Variants in AMT observed in about 807,000 individuals in gnomAD.
AMT encodes aminomethyltransferase, mitochondrial.
In AMT, 24 loss-of-function variants were observed where a neutral mutation model predicts 39.5. The observed-to-expected ratio is 0.61, with a 90% confidence interval of 0.44 to 0.86. The LOEUF (loss-of-function observed/expected upper bound fraction) is 0.86, where lower values mean the gene tolerates loss of function less well. AMT is among the 40% of genes least tolerant of loss of function. The probability of loss-of-function intolerance (pLI) is 0.00; values close to 1 mark genes in which losing one functional copy is unlikely to be tolerated. For synonymous variants in AMT, 210 were observed against 212.1 expected, an observed-to-expected ratio of 0.99 and a Z score of 0.09; for missense variants, 501 against 537.0, an observed-to-expected ratio of 0.93 and a Z score of 0.66.
At chr3:49,420,645 GCTTCACCTA>G (rs1333434398) in intron 3 of AMT, 2 of 407,078 alleles carry the variant, frequency 4.9e-6, no homozygotes. Context: ...AGGACCTGCT[GCTTCACCTA>G]CCCAAACCTG....
chr3:49,417,423 A>C lies in AMT; in HGVS notation c.*117T>G. On this transcript the variant is annotated 3_prime_UTR_variant, in exon 9 of 9. Transcript: ENST00000273588. ...AGGTGGTGTGGCCCCTCAACCAGAC[A>C]ATTAGAATCAGCCTCCACCTTAACT... 6.2e-7 allele frequency: 1 copy of C among 1,612,204 alleles called. No individual in the cohort carries two copies. Among genetic ancestry groups the C allele is most frequent in the Non-Finnish European group, 8.5e-7 (1 of 1,179,834 alleles).
In AMT at chr3:49,419,125, A is replaced by G; in HGVS notation, c.723T>C (p.Val241=). 1 of 1,613,726 alleles carries G rather than the reference A, an allele frequency of 6.2e-7. No individual in the cohort carries two copies. Among genetic ancestry groups the G allele is most frequent in the Non-Finnish European group, 8.5e-7 (1 of 1,179,914 alleles). Residue 241 remains valine, a synonymous_variant, in exon 7 of 9, where the codon GTT becomes GTC. Coordinates refer to ENST00000273588, the MANE Select transcript of AMT (RefSeq NM_000481.4). ...TTTTCAGAATAGCTGTTGCCAGGTG[A>G]ACTGCCCCCGCTACCGGCACCGAGA... is the stretch of plus-strand genomic sequence containing the variant. ...VEISVPVAGA[V]HLATAILKNP... is the part of the protein sequence containing the mutation.
chr3:49,419,917 T>A, intron 4 of AMT, 129 bp from the exon 5 acceptor site: 1 of 963,092 alleles, frequency 1.0e-6, no homozygotes, highest in Non-Finnish European at 1.7e-6. Flanking sequence ...AAAAAGGTAG[T>A]AGGCTGGTTC....
Position 49,420,213 on chromosome 3 carries a change from G to T in AMT, c.469C>A (p.Gln157Lys), listed in dbSNP as rs2049075749. ...GCWEKDLALM[Q>K]DKVRELQNQG... ...TCTAGAACACAGAGGGGGTATACCT[G>T]CATGAGGGCCAAATCTTTCTCCCAG... The change falls in exon 4 of 9, where the codon CAG becomes AAG. Residue 157 changes from glutamine (Q) to lysine (K), a missense_variant and splice_region_variant. Transcript: ENST00000273588. 6.2e-7 allele frequency: 1 copy of T among 1,614,154 alleles called. No homozygotes were observed. The highest frequency in any genetic ancestry group is 8.5e-7 in the Non-Finnish European group (1 of 1,179,996).
In AMT at chr3:49,422,464, G is replaced by A. The variant is rs1476386576; in HGVS notation, c.-14C>T. 8 of 1,611,424 alleles carry A rather than the reference G, an allele frequency of 5.0e-6. No homozygotes were observed. In the Admixed American group the frequency reaches 8.4e-5, roughly 17 times the overall value. On this transcript the variant is annotated 5_prime_UTR_variant, in exon 1 of 9. Coordinates refer to ENST00000273588, the MANE Select transcript of AMT (RefSeq NM_000481.4). ...AGCCCTCTGCATCGTCGCCTGCAACGAGTGCAGACGGCGCACAGAGGCCAC... is the reference window on the plus strand; with the variant it reads ...AGCCCTCTGCATCGTCGCCTGCAACAAGTGCAGACGGCGCACAGAGGCCAC...
chr3:49,422,356 C>G lies in AMT; in HGVS notation c.90+5G>C, dbSNP rs1048913285. On this transcript the variant is annotated splice_donor_5th_base_variant and intron_variant, in intron 1 of 8. Coordinates refer to ENST00000273588, the MANE Select transcript of AMT (RefSeq NM_000481.4). ...ACCCTCCAAGATCAGCACCCTCTAT[C>G]CCACCTGTGCGCAACTAAGTGGACG... 1.4e-6 allele frequency: 2 copies of G among 1,414,652 alleles called. No individual in the cohort carries two copies. Among genetic ancestry groups the G allele is most frequent in the African/African-American group, 2.9e-5 (2 of 69,396 alleles). 87.6% of individuals were successfully genotyped at this position (1,414,652 alleles called of 1,614,324 possible).
Position 49,419,100 on chromosome 3 carries a change from T to G in AMT, c.748A>C (p.Asn250His). The change falls in exon 7 of 9, where the codon AAC becomes CAC. Residue 250 changes from asparagine to histidine, a missense_variant. Physicochemically the swap from Asn to His is moderately conservative, Grantham distance 68 (BLOSUM62 1). Coordinates refer to ENST00000273588, the MANE Select transcript of AMT (RefSeq NM_000481.4). ...AVHLATAILKNPEVKLAGLAA... is the reference protein window; with the variant it reads ...AVHLATAILKHPEVKLAGLAA... ...AGCCCTGCCAGCTTCACCTCTGGGT[T>G]TTTCAGAATAGCTGTTGCCAGGTGA... 1 of 1,613,616 alleles carries G rather than the reference T, an allele frequency of 6.2e-7. No individual in the cohort carries two copies. Among genetic ancestry groups the G allele is most frequent in the Non-Finnish European group, 8.5e-7 (1 of 1,179,874 alleles).
At chr3:49,422,068 G>T in intron 2 of AMT, 36 bp downstream of exon 2, 2 of 1,612,672 alleles carry the variant, frequency 1.2e-6, no homozygotes, top group Non-Finnish European at 1.7e-6. Context: ...AGGGAGGAAG[G>T]CCTGATCAGA....
In AMT at chr3:49,419,144, A is replaced by G. The variant is rs776521349; in HGVS notation, c.704T>C (p.Val235Ala). ...YTGEDGVEIS[V>A]PVAGAVHLAT... Reference sequence around the variant, plus strand: ...CAGGTGAACTGCCCCCGCTACCGGCACCGAGATCTGTATGAAACACCAGAG... The same window carrying G: ...CAGGTGAACTGCCCCCGCTACCGGCGCCGAGATCTGTATGAAACACCAGAG... The change falls in exon 7 of 9, where the codon GTG (valine) becomes GCG (alanine). Residue 235 changes from valine (V) to alanine (A), a missense_variant. Transcript: ENST00000273588. 3.1e-6 allele frequency: 5 copies of G among 1,613,734 alleles called. No homozygotes were observed. In the South Asian group the frequency reaches 4.4e-5, roughly 14 times the overall value.
chr3:49,419,148 A>G lies in AMT; in HGVS notation c.700T>C (p.Ser234Pro), dbSNP rs1237692467. 2 of 1,613,640 alleles carry G rather than the reference A, an allele frequency of 1.2e-6. No homozygotes were observed. Among genetic ancestry groups the G allele is most frequent in the Non-Finnish European group, 1.7e-6 (2 of 1,179,864 alleles). The change falls in exon 7 of 9, where the codon TCG becomes CCG. Residue 234 changes from serine to proline, a missense_variant. Transcript: ENST00000273588. ...GYTGEDGVEI[S>P]VPVAGAVHLA... The stretch of plus-strand genomic sequence containing the variant: ...TGAACTGCCCCCGCTACCGGCACCG[A>G]GATCTGTATGAAACACCAGAGGGCA...
intron 4 of AMT, 154 bp downstream of exon 4, chr3:49,420,057 T>A: frequency 1.9e-6 from 2 of 1,072,216 alleles, no homozygotes; most frequent in Non-Finnish European, 2.8e-6. Flanking sequence ...CCTGGCGTGC[T>A]CCAGAGAGGG....
At chr3:49,420,052 C>T (rs943614409) in intron 4 of AMT, 159 bp downstream of exon 4, 16 of 1,012,530 alleles carry the variant, frequency 1.6e-5, no homozygotes, top group South Asian at 1.4e-5. Flanking sequence ...CAAACCCTGG[C>T]GTGCTCCAGA....
intron 7 of AMT, 42 bp from the exon 8 acceptor site, chr3:49,418,015 G>T: frequency 6.4e-7 from 1 of 1,573,254 alleles, no homozygotes; most frequent in Non-Finnish European, 8.6e-7. Context: ...GCCCATAGAA[G>T]CCCTGGCCAC....
chr3:49,421,407 G>A (rs2049099870), intron 3 of AMT, 85 bp downstream of exon 3: 1 of 1,051,978 alleles, frequency 9.5e-7, no homozygotes, highest in African/African-American at 1.6e-5. Flanking sequence ...ACTCATCTCT[G>A]TGCCCCTAAG....
At chr3:49,418,856 G>A (rs1257017731) in intron 7 of AMT, 115 bp downstream of exon 7, 1 of 1,151,240 alleles carries the variant, frequency 8.7e-7, no homozygotes, top group Non-Finnish European at 1.3e-6. Context: ...TCAGGGAAGG[G>A]AGGCTCAGGA....
chr3:49,422,457 C>T lies in AMT; in HGVS notation c.-7G>A. ...CACTTACAGCCCTCTGCATCGTCGCCTGCAACGAGTGCAGACGGCGCACAG... is the reference window on the plus strand; with the variant it reads ...CACTTACAGCCCTCTGCATCGTCGCTTGCAACGAGTGCAGACGGCGCACAG... On this transcript the variant is annotated 5_prime_UTR_variant, in exon 1 of 9. Transcript: ENST00000273588. 1 of 1,612,616 alleles carries T rather than the reference C, an allele frequency of 6.2e-7. No homozygotes were observed. The highest frequency in any genetic ancestry group is 1.1e-5 in the South Asian group (1 of 90,950).
rs767645183 is a variant in AMT at position 49,419,672 on chromosome 3, G to A, written c.550+38C>T. 18 of 1,600,624 alleles carry A rather than the reference G, an allele frequency of 1.1e-5. No individual in the cohort carries two copies. In the South Asian group the frequency reaches 1.9e-4, roughly 17 times the overall value. ...GCTAAGCAGTCAATGAAGCCAGGAA[G>A]GCAAAGGTTGGCTCCAACCCCAGCC... On this transcript the variant is annotated intron_variant, in intron 5 of 8. Transcript: ENST00000273588.
Position 49,422,162 on chromosome 3 carries a change from T to A in AMT, c.200A>T (p.Asp67Val), listed in dbSNP as rs1559530448. 4.3e-6 allele frequency: 7 copies of A among 1,613,620 alleles called. No homozygotes were observed. The highest frequency in any genetic ancestry group is 5.9e-6 in the Non-Finnish European group (7 of 1,180,014). The change falls in exon 2 of 9, where the codon GAC (aspartate) becomes GTC (valine). Residue 67 changes from aspartate (D) to valine (V), a missense_variant. Coordinates refer to ENST00000273588, the MANE Select transcript of AMT (RefSeq NM_000481.4). ...LPVQYRDSHTDSHLHTRQHCS... is the reference protein window; with the variant it reads ...LPVQYRDSHTVSHLHTRQHCS... ...GTGCTGGCGTGTGTGCAGGTGCGAG[T>A]CAGTGTGACTGTCCCGGTACTGCAC...
chr3:49,417,831 C>T lies in AMT; in HGVS notation c.1020G>A (p.Glu340=), dbSNP rs1174992924. ...TGGTCCACCTACCAATCTTGGTACCCTCCATGTTCAGGATGGGACTGTGTG... is the reference window on the plus strand; with the variant it reads ...TGGTCCACCTACCAATCTTGGTACCTTCCATGTTCAGGATGGGACTGTGTG... The part of the protein sequence containing the change: ...MRAHSPILNM[E]GTKIGTVTSG... Residue 340 remains glutamate (E), a synonymous_variant, in exon 8 of 9, where the codon GAG becomes GAA. Transcript: ENST00000273588. 6.2e-7 allele frequency: 1 copy of T among 1,614,136 alleles called. No individual in the cohort carries two copies. Among genetic ancestry groups the T allele is most frequent in the South Asian group, 1.1e-5 (1 of 91,088 alleles).
Sources: allele counts gnomAD v4.1 joint callset, GRCh38; gene constraint gnomAD v4.1.1; transcripts MANE v1.5; gene names NCBI Gene and HGNC (gene_info 2026-07-23, HGNC 2026-07-21).